HSD17B2: variants seen among roughly 807,000 people sequenced by gnomAD.
HSD17B2 encodes the protein hydroxysteroid 17-beta dehydrogenase 2.
A neutral mutation model predicts 26.9 loss-of-function variants in HSD17B2; 32 were observed. That is an observed-to-expected ratio of 1.19 (90% CI 0.90 to 1.60). The LOEUF (loss-of-function observed/expected upper bound fraction) is 1.60. HSD17B2 is among the 40% of genes most tolerant of loss of function. The probability of loss-of-function intolerance (pLI) is 0.00; values close to 1 mark genes in which losing one functional copy is unlikely to be tolerated. For missense variants in HSD17B2, 613 were observed against 468.6 expected (o/e 1.31, Z -2.85); for synonymous variants, 246 against 186.7 (o/e 1.32, Z -2.59).
intron 1 of HSD17B2, among the ~76,000 whole-genome samples, chr16:82,050,487 A>G (rs1343602777): frequency 6.6e-6 from 1 of 151,484 alleles, no homozygotes; most frequent in African/African-American, 2.4e-5. Flanking sequence ...CTGGGATTCC[A>G]CTTTTGTCTC....
In HSD17B2 at chr16:82,035,320, T is replaced by A; in HGVS notation, c.-105T>A. The A allele has an allele frequency of 9.3e-7, 1 of 1,076,298 alleles. No individual in the cohort carries two copies. Among genetic ancestry groups the A allele is most frequent in the Middle Eastern group, 3.1e-4 (1 of 3,182 alleles). The allele number at this position is 1,076,298 out of a possible 1,614,324, so 66.7% of individuals were successfully genotyped here. A position where few individuals can be genotyped will look rare whatever the true frequency, so the allele number is the denominator to read the frequency against. On this transcript the variant is annotated 5_prime_UTR_variant, in exon 1 of 5. Coordinates refer to ENST00000199936, the MANE Select transcript of HSD17B2 (RefSeq NM_002153.3). The stretch of plus-strand genomic sequence containing the variant: ...AAGGGGCTGGGGCTGCTTTCTCCCC[T>A]CCCTTCTTGACTCTCTGTTCACAGA...
rs931016075 is a variant in HSD17B2 at position 82,075,513 on chromosome 16, A to G, written c.664+4386A>G. Among the ~76,000 whole-genome samples the G allele has an allele frequency of 2.6e-5, 4 of 152,098 alleles. No homozygotes were observed. The East Asian group carries it at 7.7e-4, about 29-fold the overall frequency. On this transcript the variant is annotated intron_variant, in intron 3 of 4. Transcript: ENST00000199936. ...GAACAAGAGAGAAGACCCAATAAAA[A>G]TCAGAGATGACAAAGGAGACATTAC... is the stretch of plus-strand genomic sequence containing the variant.
intron 3 of HSD17B2, among the ~76,000 whole-genome samples, chr16:82,082,557 T>A (rs1278488153): frequency 6.6e-6 from 1 of 152,204 alleles, no homozygotes; most frequent in African/African-American, 2.4e-5. Context: ...TTTATGTAAG[T>A]GTTAGCTATT....
intron 1 of HSD17B2, among the ~76,000 whole-genome samples, chr16:82,039,478 A>G (rs899160525): frequency 6.6e-6 from 1 of 152,164 alleles, no homozygotes; most frequent in Non-Finnish European, 1.5e-5. Flanking sequence ...AGAAGCATTC[A>G]TGTATTCACT....
chr16:82,084,372 C>T (rs1411446217), intron 3 of HSD17B2, among the ~76,000 whole-genome samples: 2 of 152,030 alleles, frequency 1.3e-5, no homozygotes, highest in African/African-American at 4.8e-5. Flanking sequence ...TTCCCATGAT[C>T]TTTGGGGTGC....
At position 82,070,944 on chromosome 16, in the gene HSD17B2, C is replaced by A. The variant is rs145206359; in HGVS notation, c.481C>A (p.Leu161Met). Residue 161 changes from leucine (L) to methionine (M), a missense_variant and splice_region_variant, in exon 3 of 5, where the codon CTG becomes ATG. Transcript: ENST00000199936. ...TCATTATGGTTTTCTGTCTCCAGGACTGTGGGCTGTGATCAACAATGCTGG... is the reference window on the plus strand; with the variant it reads ...TCATTATGGTTTTCTGTCTCCAGGAATGTGGGCTGTGATCAACAATGCTGG... Reference protein sequence around the residue: ...KVAAMLQDRGLWAVINNAGVL... With the variant: ...KVAAMLQDRGMWAVINNAGVL... 5 of 1,612,880 alleles carry A rather than the reference C, an allele frequency of 3.1e-6. No homozygotes were observed. The highest frequency in any genetic ancestry group is 4.2e-6 in the Non-Finnish European group (5 of 1,179,204).
At chr16:82,053,623 A>G (rs919333456) in intron 1 of HSD17B2, among the ~76,000 whole-genome samples, 1 of 152,154 alleles carries the variant, frequency 6.6e-6, no homozygotes, top group African/African-American at 2.4e-5. Context: ...TCACCATTGT[A>G]CCTGTAGCAC....
At chr16:82,053,811 C>T (rs554614307) in intron 1 of HSD17B2, among the ~76,000 whole-genome samples, 11 of 152,310 alleles carry the variant, frequency 7.2e-5, no homozygotes, top group African/African-American at 2.4e-4. Context: ...TCAAACAACA[C>T]TGGACATGGA....
At chr16:82,080,097 G>T (rs1430892170) in intron 3 of HSD17B2, among the ~76,000 whole-genome samples, 5 of 152,140 alleles carry the variant, frequency 3.3e-5, no homozygotes, top group African/African-American at 9.7e-5. Context: ...GCACCAGCCA[G>T]GAAAAACTGA....
At chr16:82,067,346 G>T (rs114094727) in intron 1 of HSD17B2, among the ~76,000 whole-genome samples, 27 of 152,242 alleles carry the variant, frequency 1.8e-4, no homozygotes, top group African/African-American at 6.3e-4. Flanking sequence ...TAGCTCAAAG[G>T]GTGATTTAAT....
chr16:82,043,763 A>T (rs1187362230), intron 1 of HSD17B2, among the ~76,000 whole-genome samples: 1 of 151,800 alleles, frequency 6.6e-6, no homozygotes, highest in African/African-American at 2.4e-5. Flanking sequence ...CAACACCTGA[A>T]CACCATTTTC....
chr16:82,067,325 T>C (rs8191131), intron 1 of HSD17B2, among the ~76,000 whole-genome samples: 80 of 152,352 alleles, frequency 5.3e-4, no homozygotes, highest in Non-Finnish European at 9.3e-4. Flanking sequence ...ATATGTTTAT[T>C]ATGGTGTATG....
chr16:82,058,072 T>G (rs1386289525), intron 1 of HSD17B2, among the ~76,000 whole-genome samples: 1 of 121,092 alleles, frequency 8.3e-6, no homozygotes, highest in African/African-American at 4.8e-5. Context: ...TTGTTGTTAA[T>G]TTTTTTTTTT....
chr16:82,090,789 T>C lies in HSD17B2; in HGVS notation c.665-113T>C, dbSNP rs8191223. ...TCAGGGGGCCTTGCCTGCCTTTGTC[T>C]GCCCAAGTCACTGATACCAGTTCCT... On this transcript the variant is annotated intron_variant, in intron 3 of 4. Coordinates refer to ENST00000199936, the MANE Select transcript of HSD17B2 (RefSeq NM_002153.3). 2,847 of 1,044,986 alleles carry C rather than the reference T, an allele frequency of 2.7e-3. 60 individuals carry two copies. In the African/African-American group the frequency reaches 0.042, roughly 15 times the overall value. The allele number at this position is 1,044,986 out of a possible 1,614,324, so 64.7% of individuals were successfully genotyped here.
At chr16:82,052,938 A>G (rs769794988) in intron 1 of HSD17B2, among the ~76,000 whole-genome samples, 13 of 152,254 alleles carry the variant, frequency 8.5e-5, no homozygotes, top group Non-Finnish European at 1.5e-4. Context: ...AGGGCATCAT[A>G]TAGCAAGAGG....
At chr16:82,070,698 G>C in intron 2 of HSD17B2, 1 of 511,866 alleles carries the variant, frequency 2.0e-6, no homozygotes, top group Non-Finnish European at 3.4e-6. Context: ...AGTAAATTCT[G>C]AAGAGTTTCT....
intron 1 of HSD17B2, chr16:82,063,072 G>T (rs939480934): frequency 2.0e-5 from 3 of 152,238 alleles, no homozygotes; most frequent in Admixed American, 6.5e-5. Flanking sequence ...AGTCTAGGAG[G>T]GGGTGTTATG....
chr16:82,097,654 G>A (rs1404748156), intron 4 of HSD17B2: 2 of 153,312 alleles, frequency 1.3e-5, no homozygotes, highest in African/African-American at 4.8e-5. Flanking sequence ...AAAGGCGTTT[G>A]CAGGCCAGGC....
intron 3 of HSD17B2, among the ~76,000 whole-genome samples, chr16:82,076,034 C>T (rs578000993): frequency 5.1e-4 from 77 of 151,954 alleles, no homozygotes; most frequent in African/African-American, 1.8e-3. Flanking sequence ...TTTATCATGA[C>T]TAAGTGGGAT....
Sources: gnomAD v4.1 joint callset for allele counts (sites outside exome capture counted in the v4.1 genomes callset) on GRCh38, gnomAD v4.1.1 for gene constraint, MANE v1.5 for transcripts, NCBI Gene and HGNC (gene_info 2026-07-23, HGNC 2026-07-21) for gene names.